The following KIAA1755 variants were observed in gnomAD, a reference collection of about 807,000 sequenced individuals.
KIAA1755 encodes the protein KIAA1755.
KIAA1755 carries 68 observed loss-of-function variants against 91.7 expected under a neutral mutation model. The observed-to-expected ratio is 0.74, with a 90% CI of 0.61 to 0.91. The LOEUF (loss-of-function observed/expected upper bound fraction) is 0.91. KIAA1755 is among the 40% of genes least tolerant of loss of function. The pLI is 0.00. For missense variants in KIAA1755, 1,535 were observed against 1,494.4 expected (o/e 1.03, Z -0.45); for synonymous variants, 610 against 604.6 (o/e 1.01, Z -0.13).
chr20:38,228,293 GC>G, intron 5 of KIAA1755, 53 bp from the exon 6 acceptor site: 1 of 1,406,378 alleles, frequency 7.1e-7, no homozygotes, highest in Non-Finnish European at 9.6e-7. Flanking sequence ...CGGACAGGGG[GC>G]AGGACCTAGT....
At chr20:38,219,855 C>T in intron 10 of KIAA1755, 87 bp from the exon 11 acceptor site, 1 of 1,518,426 alleles carries the variant, frequency 6.6e-7, no homozygotes, top group Non-Finnish European at 8.9e-7. Context: ...GCCCCTCCAT[C>T]TCTGTGGCCC....
At position 38,213,724 on chromosome 20, in the gene KIAA1755, T is replaced by C. The variant is rs2075495099; in HGVS notation, c.2921A>G (p.Asp974Gly). The C allele has an allele frequency of 6.7e-7, 1 of 1,486,208 alleles. No individual in the cohort carries two copies. Among genetic ancestry groups the C allele is most frequent in the Non-Finnish European group, 8.9e-7 (1 of 1,117,962 alleles). 92.1% of individuals were successfully genotyped at this position (1,486,208 alleles called of 1,614,324 possible). A position where few individuals can be genotyped will look rare whatever the true frequency, so the allele number is the denominator to read the frequency against. Reference sequence around the variant, plus strand: ...GAGCTGGGCCATCAGGTCCTGACAGTCCATGTGGAACCAGGTCATCTGGGG... The same window carrying C: ...GAGCTGGGCCATCAGGTCCTGACAGCCCATGTGGAACCAGGTCATCTGGGG... ...FCKRMTWFHM[D>G]CQDLMAQLRL... The change falls in exon 14 of 14, where the codon GAC becomes GGC. Residue 974 changes from aspartate to glycine, a missense_variant. Asp to Gly is a moderately conservative substitution (Grantham distance 94, BLOSUM62 -1). Coordinates refer to ENST00000279024, the MANE Select transcript of KIAA1755 (RefSeq NM_001029864.2).
Position 38,223,566 on chromosome 20 carries a change from T to C in KIAA1755, c.2240A>G (p.Glu747Gly), listed in dbSNP as rs748304963. 1.8e-5 allele frequency: 29 copies of C among 1,600,026 alleles called. No individual in the cohort carries two copies. Among genetic ancestry groups the C allele is most frequent in the African/African-American group, 1.4e-5 (1 of 73,878 alleles). ...SLLQASIEEF[E>G]KADPPGGMQE... ...CATCCCCCCAGGGGGGTCGGCCTTC[T>C]CGAATTCCTCGATGGAAGCTTGTAG... Residue 747 changes from glutamate to glycine, a missense_variant, in exon 9 of 14, where the codon GAG (glutamate) becomes GGG (glycine). By Grantham distance (98) the Glu-to-Gly change is moderately conservative. Transcript: ENST00000279024.
chr20:38,245,161 G>A (rs1240416415), intron 2 of KIAA1755, among the ~76,000 whole-genome samples: 3 of 152,204 alleles, frequency 2.0e-5, no homozygotes, highest in African/African-American at 7.2e-5. Context: ...CCCAAGCCTG[G>A]CCAATCAGGA....
At chr20:38,234,417 T>C (rs569751687) in intron 4 of KIAA1755, among the ~76,000 whole-genome samples, 1 of 152,296 alleles carries the variant, frequency 6.6e-6, no homozygotes, top group Admixed American at 6.5e-5. Context: ...CCTGCAAGAC[T>C]GAGAGCCCTT....
intron 1 of KIAA1755, chr20:38,260,221 T>C (rs1411709471): frequency 2.7e-6 from 4 of 1,479,418 alleles, no homozygotes; most frequent in Non-Finnish European, 3.6e-6. Flanking sequence ...AGATTCAGGC[T>C]CAGGTCTAGG....
intron 1 of KIAA1755, among the ~76,000 whole-genome samples, chr20:38,257,900 CTT>C (rs538588264): frequency 2.1e-4 from 30 of 142,034 alleles, no homozygotes; most frequent in Admixed American, 2.8e-4. Context: ...TTTATAGTTA[CTT>C]TTTTTTTTTT....
chr20:38,253,682 A>C (rs2076290753), intron 1 of KIAA1755, among the ~76,000 whole-genome samples: 1 of 152,250 alleles, frequency 6.6e-6, no homozygotes, highest in Non-Finnish European at 1.5e-5. Flanking sequence ...TGTGCGGGGC[A>C]GGGGCCTCGT....
intron 4 of KIAA1755, among the ~76,000 whole-genome samples, chr20:38,234,758 C>CA (rs1323528837): frequency 6.6e-6 from 1 of 152,216 alleles, no homozygotes; most frequent in African/African-American, 2.4e-5. Context: ...CTGCCTGGAA[C>CA]AGGGCCCTGC....
chr20:38,237,668 G>T (rs1051370175), intron 4 of KIAA1755, among the ~76,000 whole-genome samples: 1 of 151,992 alleles, frequency 6.6e-6, no homozygotes, highest in African/African-American at 2.4e-5. Context: ...TGGAAAAGGG[G>T]AGTGAAAAGG....
chr20:38,230,888 CAAAAAA>C (rs61043014), intron 5 of KIAA1755, among the ~76,000 whole-genome samples: 1 of 107,552 alleles, frequency 9.3e-6, no homozygotes, highest in Admixed American at 9.8e-5. Context: ...AACTCCATTT[CAAAAAA>C]AAAAAAAAAA....
chr20:38,231,503 A>G (rs1193636708), intron 4 of KIAA1755, among the ~76,000 whole-genome samples, 178 bp from the exon 5 acceptor site: 2 of 152,038 alleles, frequency 1.3e-5, no homozygotes, highest in South Asian at 2.1e-4. Flanking sequence ...CTCAAACACC[A>G]CTTCGTGAGA....
Position 38,222,437 on chromosome 20 carries a change from GGACGTCTGTACCT to G in KIAA1755, c.2416_2417+11del. The G allele has an allele frequency of 6.2e-7, 1 of 1,610,694 alleles. No homozygotes were observed. Among genetic ancestry groups the G allele is most frequent in the Non-Finnish European group, 8.5e-7 (1 of 1,178,992 alleles). Reference sequence around the variant, plus strand: ...GGATGGGGTGGAAGAGGAAAGGCCTGGACGTCTGTACCTGACATCAGGGCTGAAGTCCAGCCTG... The same window carrying G: ...GGATGGGGTGGAAGAGGAAAGGCCTGGACATCAGGGCTGAAGTCCAGCCTG... On this transcript the variant is annotated splice_donor_variant and splice_donor_5th_base_variant and coding_sequence_variant and intron_variant, in exon 10 of 14. Transcript: ENST00000279024. LOFTEE classifies it high-confidence loss of function.
intron 3 of KIAA1755, 122 bp downstream of exon 3, chr20:38,240,460 T>A: frequency 1.0e-6 from 1 of 998,022 alleles, no homozygotes; most frequent in Non-Finnish European, 1.4e-6. Context: ...CCACACTGTA[T>A]ACTAAACCCC....
chr20:38,246,032 A>G lies in KIAA1755; in HGVS notation c.98T>C (p.Phe33Ser). 6.2e-7 allele frequency: 1 copy of G among 1,614,182 alleles called. No individual in the cohort carries two copies. The highest frequency in any genetic ancestry group is 8.5e-7 in the Non-Finnish European group (1 of 1,180,028). Residue 33 changes from phenylalanine to serine, a missense_variant, in exon 2 of 14, where the codon TTC becomes TCC. Coordinates refer to ENST00000279024, the MANE Select transcript of KIAA1755 (RefSeq NM_001029864.2). Reference sequence around the variant, plus strand: ...CTGGAAGCCAGAGTCCAGGAGACGGAACACCTGACCCAGGACGGTGGGTGC... The same window carrying G: ...CTGGAAGCCAGAGTCCAGGAGACGGGACACCTGACCCAGGACGGTGGGTGC... ...ATAPTVLGQV[F>S]RLLDSGFQGD...
At chr20:38,259,820 C>CACACACACA (rs367702495) in intron 1 of KIAA1755, among the ~76,000 whole-genome samples, 1,789 of 138,714 alleles carry the variant, frequency 0.013, 53 homozygotes, top group African/African-American at 0.047. Flanking sequence ...ACCACCACCA[C>CACACACACA]CACACACACA....
intron 4 of KIAA1755, among the ~76,000 whole-genome samples, chr20:38,237,918 C>A (rs911545767): frequency 4.6e-5 from 7 of 152,116 alleles, no homozygotes; most frequent in African/African-American, 1.7e-4. Flanking sequence ...GTGGACGTTG[C>A]TCATTCACAC....
At chr20:38,245,804 C>T (rs1013031727) in intron 2 of KIAA1755, 125 bp downstream of exon 2, 22 of 812,688 alleles carry the variant, frequency 2.7e-5, no homozygotes, top group South Asian at 1.8e-4. Flanking sequence ...CTTGGAAAGT[C>T]CCCCCACACC....
chr20:38,236,448 G>T (rs541905721), intron 4 of KIAA1755, among the ~76,000 whole-genome samples: 1 of 152,248 alleles, frequency 6.6e-6, no homozygotes, highest in East Asian at 1.9e-4. Context: ...GAGTGTGGAT[G>T]GAGAGGAGAA....
Sources: gnomAD v4.1 joint callset for allele counts (sites outside exome capture counted in the v4.1 genomes callset) on GRCh38, gnomAD v4.1.1 for gene constraint, MANE v1.5 for transcripts, NCBI Gene and HGNC (gene_info 2026-07-23, HGNC 2026-07-21) for gene names.